The following MORN4 variants were observed in gnomAD, a reference collection of about 807,000 sequenced individuals.
MORN4 encodes MORN repeat-containing protein 4.
A neutral mutation model predicts 16.4 loss-of-function variants in MORN4; 8 were observed. That is an observed-to-expected ratio of 0.49 (90% confidence interval 0.29 to 0.88). MORN4 has a LOEUF of 0.88. MORN4 is among the 40% of genes least tolerant of loss of function. The pLI, the probability that MORN4 is intolerant of heterozygous loss-of-function variation, is 0.09. For synonymous variants in MORN4, 53 were observed against 68.9 expected (o/e 0.77, Z 1.14); for missense variants, 159 against 182.9 (o/e 0.87, Z 0.75).
intron 1 of MORN4, among the ~76,000 whole-genome samples, chr10:97,625,799 G>A (rs1054524894): frequency 2.0e-5 from 3 of 152,074 alleles, no homozygotes; most frequent in Admixed American, 6.6e-5. Context: ...ACAGTGTGTC[G>A]CTCTGTTGCC....
chr10:97,617,590 C>T (rs572034603), intron 2 of MORN4, among the ~76,000 whole-genome samples: 6 of 152,316 alleles, frequency 3.9e-5, no homozygotes, highest in Admixed American at 2.0e-4. Flanking sequence ...GCTGACCAGG[C>T]GCGGTAGCTT....
intron 1 of MORN4, among the ~76,000 whole-genome samples, chr10:97,622,554 G>A (rs748198540): frequency 1.3e-5 from 2 of 151,882 alleles, no homozygotes; most frequent in African/African-American, 2.4e-5. Context: ...AATTAGCCGG[G>A]TGTGGTGGTG....
intron 2 of MORN4, among the ~76,000 whole-genome samples, chr10:97,618,368 G>T (rs2041257676): frequency 7.2e-6 from 1 of 138,614 alleles, no homozygotes; most frequent in Admixed American, 8.1e-5. Flanking sequence ...GGTTTTAAAT[G>T]ATTCTCCTCC....
At position 97,616,337 on chromosome 10, in the gene MORN4, G is replaced by A. The variant is rs781736887; in HGVS notation, c.367C>T (p.Arg123Ter). The stretch of plus-strand genomic sequence containing the variant: ...ACAATGGCAGAACACTTCTCACGTC[G>A]CAGCAGCTTGTTGTTCTCAAAGAGA... ...EGLFENNKLL[R>*]REKCSAIVQR... The change falls in exon 5 of 5, where the codon CGA (arginine) becomes TGA (stop). Residue 123 changes from arginine (R) to a stop codon, truncating the protein, a stop_gained. Transcript: ENST00000307450. LOFTEE classifies it high-confidence loss of function. 1.9e-5 allele frequency: 31 copies of A among 1,613,100 alleles called. No homozygotes were observed. Among genetic ancestry groups the A allele is most frequent in the Non-Finnish European group, 2.4e-5 (28 of 1,179,542 alleles).
In MORN4 at chr10:97,614,968, G is replaced by A. The variant is rs1451555383; in HGVS notation, c.*1295C>T. The A allele has an allele frequency of 6.6e-6, 1 of 152,628 alleles. No individual in the cohort carries two copies. The highest frequency in any genetic ancestry group is 2.4e-5 in the African/African-American group (1 of 41,450). 9.5% of individuals were successfully genotyped at this position (152,628 alleles called of 1,614,324 possible). On this transcript the variant is annotated 3_prime_UTR_variant, in exon 5 of 5. Transcript: ENST00000307450. The stretch of plus-strand genomic sequence containing the variant: ...TGAATTCAGTTCACTCCATGGTAGT[G>A]CCTGAAGTGGCCTAAATATTCTACC...
chr10:97,616,549 G>C (rs369227094), intron 4 of MORN4, 129 bp downstream of exon 4: 3 of 1,232,914 alleles, frequency 2.4e-6, no homozygotes, highest in East Asian at 2.3e-5. Context: ...CTATTGATGA[G>C]TTCAATGGAT....
intron 1 of MORN4, among the ~76,000 whole-genome samples, chr10:97,622,435 C>T (rs2041306235): frequency 6.6e-6 from 1 of 151,960 alleles, no homozygotes; most frequent in Non-Finnish European, 1.5e-5. Context: ...CCTACAATCC[C>T]AGCACTTTGG....
At chr10:97,630,419 A>G (rs2041386853) in intron 1 of MORN4, among the ~76,000 whole-genome samples, 1 of 152,204 alleles carries the variant, frequency 6.6e-6, no homozygotes, top group Admixed American at 6.6e-5. Context: ...TTATACAGCA[A>G]TAATAACTGG....
intron 1 of MORN4, among the ~76,000 whole-genome samples, chr10:97,626,392 A>C (rs61863287): frequency 0.041 from 4,717 of 115,338 alleles, 75 homozygotes; most frequent in South Asian, 0.064. Flanking sequence ...TAATAATAAT[A>C]ATAATCATAA....
chr10:97,633,785 G>T (rs577933981), upstream of MORN4, among the ~76,000 whole-genome samples: 6 of 152,362 alleles, frequency 3.9e-5, no homozygotes, highest in East Asian at 9.6e-4. The surrounding 1 kb of genome is among the most constrained non-coding windows in gnomAD (Gnocchi z 4.5). Context: ...CTCTGATCTT[G>T]CTCCAGTCCC....
chr10:97,626,602 A>G (rs1360132905), intron 1 of MORN4, among the ~76,000 whole-genome samples: 1 of 150,364 alleles, frequency 6.7e-6, no homozygotes, highest in Non-Finnish European at 1.5e-5. Flanking sequence ...ATTTCAGGTG[A>G]CCGTCACCAT....
chr10:97,633,625 C>G (rs779799556), upstream of MORN4: 1 of 1,286,442 alleles, frequency 7.8e-7, no homozygotes, highest in South Asian at 1.2e-5. This position sits in a 1 kb window ranked among gnomAD's most constrained non-coding sequence, Gnocchi z 4.5. Flanking sequence ...CCCGGGCTGA[C>G]TATGTGAAAG....
chr10:97,620,881 G>C (rs2041285088), intron 1 of MORN4, among the ~76,000 whole-genome samples: 1 of 152,102 alleles, frequency 6.6e-6, no homozygotes, highest in South Asian at 2.1e-4. Context: ...CCAGAACTTT[G>C]TGAGGCCGAG....
chr10:97,617,729 G>A (rs1041113244), intron 2 of MORN4, among the ~76,000 whole-genome samples: 7 of 152,004 alleles, frequency 4.6e-5, no homozygotes, highest in African/African-American at 7.2e-5. Flanking sequence ...GTGTAGTGGC[G>A]CCTGCCTGTG....
chr10:97,633,709 T>A, upstream of MORN4: 1 of 1,161,732 alleles, frequency 8.6e-7, no homozygotes, highest in Non-Finnish European at 1.1e-6. This position sits in a 1 kb window ranked among gnomAD's most constrained non-coding sequence, Gnocchi z 4.5. Context: ...GCCGTCTAGT[T>A]GAAATGGCAA....
intron 1 of MORN4, among the ~76,000 whole-genome samples, chr10:97,622,182 G>A (rs1589920023): frequency 6.6e-6 from 1 of 152,116 alleles, no homozygotes; most frequent in South Asian, 2.1e-4. Flanking sequence ...TAAATAAATG[G>A]TTATTGTTTC....
intron 3 of MORN4, 65 bp downstream of exon 3, chr10:97,617,143 G>C: frequency 8.3e-7 from 1 of 1,211,886 alleles, no homozygotes; most frequent in Admixed American, 1.7e-5. Context: ...ATATTTACCA[G>C]AGTCCCATTT....
At chr10:97,621,790 G>A (rs1365859653) in intron 1 of MORN4, among the ~76,000 whole-genome samples, 2 of 152,008 alleles carry the variant, frequency 1.3e-5, no homozygotes, top group South Asian at 2.1e-4. Context: ...GCTTGAACTC[G>A]GGAGGCAGAG....
rs1451976640 is a variant in MORN4 at position 97,633,315 on chromosome 10, C to T, written c.-31+32G>A. ...CCCACCTGACCGATCACACTCTTTC[C>T]CGGCCCCCTCCCTCCTGCGCCTCCA... On this transcript the variant is annotated intron_variant, in intron 1 of 4. Coordinates refer to ENST00000307450, the MANE Select transcript of MORN4 (RefSeq NM_178832.4). This position sits in a 1 kb window ranked among gnomAD's most constrained non-coding sequence, Gnocchi z 4.5. The T allele has an allele frequency of 1.6e-6, 2 of 1,288,078 alleles. No individual in the cohort carries two copies. The highest frequency in any genetic ancestry group is 1.5e-5 in the African/African-American group (1 of 65,982). The allele number at this position is 1,288,078 out of a possible 1,614,324, so 79.8% of individuals were successfully genotyped here. A position where few individuals can be genotyped will look rare whatever the true frequency, so the allele number is the denominator to read the frequency against.
Sources: allele counts gnomAD v4.1 joint callset (sites outside exome capture counted in the v4.1 genomes callset), GRCh38; gene constraint gnomAD v4.1.1; non-coding constraint Gnocchi (gnomAD v3.1); transcripts MANE v1.5; gene names NCBI Gene and HGNC (gene_info 2026-07-23, HGNC 2026-07-21).